ADAP2: variants seen among roughly 807,000 people sequenced by gnomAD.
The protein encoded by ADAP2 is arf-GAP with dual PH domain-containing protein 2.
In ADAP2, 42 loss-of-function variants were observed where a neutral mutation model predicts 54.9. The observed-to-expected ratio is 0.77, with a 90% CI of 0.60 to 0.99. ADAP2 has a LOEUF of 0.99. Ranked by LOEUF, ADAP2 falls within the 50% of genes least tolerant of loss-of-function variation. The probability of loss-of-function intolerance (pLI) is 0.00; values close to 1 mark genes in which losing one functional copy is unlikely to be tolerated. For missense variants in ADAP2, 429 were observed against 480.4 expected, an observed-to-expected ratio of 0.89 and a Z score of 1.00; for synonymous variants, 177 against 180.1, an observed-to-expected ratio of 0.98 and a Z score of 0.14.
chr17:30,945,336 C>A (rs1912586835), intron 6 of ADAP2, among the ~76,000 whole-genome samples: 1 of 152,150 alleles, frequency 6.6e-6, no homozygotes, highest in Non-Finnish European at 1.5e-5. Flanking sequence ...CCCAGGGATG[C>A]AAAGCCAGGT....
rs544534572 is a variant in ADAP2, at chr17:30,932,580, C to CT, written c.397+626dup. Among the ~76,000 whole-genome samples, 626 of 137,112 alleles carry CT rather than the reference C, an allele frequency of 4.6e-3. 6 individuals are homozygous for CT. Among genetic ancestry groups the CT allele is most frequent in the South Asian group, 0.027 (115 of 4,294 alleles). The allele number at this position is 137,112 out of a possible 152,430, so 90.0% of individuals were successfully genotyped here. On this transcript the variant is annotated intron_variant, in intron 4 of 10. Coordinates refer to ENST00000330889, the MANE Select transcript of ADAP2 (RefSeq NM_018404.3). ...GACTCTTTTTCTTTTTCTTCTTCTT[C>CT]TTTTTTTTTTTTTTGAGACAGAGTC...
Position 30,958,221 on chromosome 17 carries a change from A to G in ADAP2, c.*352A>G, listed in dbSNP as rs1905207907. ...TCATGCAAGTGGCATCTTGTAAAAA[A>G]AAAAAAAAAGTTTAATCTGAATCTA... On this transcript the variant is annotated 3_prime_UTR_variant, in exon 11 of 11. Transcript: ENST00000330889. The G allele has an allele frequency of 3.8e-6, 1 of 262,756 alleles. No homozygotes were observed. The highest frequency in any genetic ancestry group is 2.2e-5 in the African/African-American group (1 of 45,518). 16.3% of individuals were successfully genotyped at this position (262,756 alleles called of 1,614,324 possible).
At chr17:30,934,818 G>C (rs1345316130) in intron 5 of ADAP2, among the ~76,000 whole-genome samples, 1 of 152,174 alleles carries the variant, frequency 6.6e-6, no homozygotes, top group African/African-American at 2.4e-5. Flanking sequence ...GGGATTGCTT[G>C]AGTTCAGAAG....
rs987729958 is a variant in ADAP2, at chr17:30,958,873, G to A, written c.*1004G>A. On this transcript the variant is annotated 3_prime_UTR_variant, in exon 11 of 11. Transcript: ENST00000330889. ...CACTTTACTTAGCCTGGGTGACAGAGTGAGACCCTATCTCAAAAAAAAAAA... is the reference window on the plus strand; with the variant it reads ...CACTTTACTTAGCCTGGGTGACAGAATGAGACCCTATCTCAAAAAAAAAAA... 11 of 147,454 alleles carry A rather than the reference G, an allele frequency of 7.5e-5. No individual in the cohort carries two copies. The highest frequency in any genetic ancestry group is 2.4e-4 in the African/African-American group (9 of 36,942). 9.1% of individuals were successfully genotyped at this position (147,454 alleles called of 1,614,324 possible). A position where few individuals can be genotyped will look rare whatever the true frequency, so the allele number is the denominator to read the frequency against.
chr17:30,933,556 G>A (rs1911653958), intron 4 of ADAP2, among the ~76,000 whole-genome samples: 2 of 152,084 alleles, frequency 1.3e-5, no homozygotes, highest in South Asian at 4.1e-4. Context: ...CTGGAGTGCA[G>A]TGGCACAATC....
intron 5 of ADAP2, among the ~76,000 whole-genome samples, chr17:30,939,443 A>G (rs570210151): frequency 3.3e-5 from 5 of 151,612 alleles, no homozygotes; most frequent in Admixed American, 1.3e-4. Flanking sequence ...GAAAAAAAAA[A>G]AAAAAAGCCC....
intron 4 of ADAP2, among the ~76,000 whole-genome samples, chr17:30,933,789 C>T (rs1911674226): frequency 1.3e-5 from 2 of 152,184 alleles, no homozygotes; most frequent in South Asian, 2.1e-4. Flanking sequence ...TGAGCCACTG[C>T]GCCCTGCCTT....
chr17:30,949,267 C>T lies in ADAP2; in HGVS notation c.658-20C>T. On this transcript the variant is annotated intron_variant, in intron 6 of 10. Coordinates refer to ENST00000330889, the MANE Select transcript of ADAP2 (RefSeq NM_018404.3). ...CCCATCTCACTGCTGTGTGTGTGTCCTGTGCACTTCTCTCCGCAGGAGATA... is the reference window on the plus strand; with the variant it reads ...CCCATCTCACTGCTGTGTGTGTGTCTTGTGCACTTCTCTCCGCAGGAGATA... 1 of 1,609,170 alleles carries T rather than the reference C, an allele frequency of 6.2e-7. No individual in the cohort carries two copies. Among genetic ancestry groups the T allele is most frequent in the Non-Finnish European group, 8.5e-7 (1 of 1,175,534 alleles).
At chr17:30,949,649 T>A (rs1904461245) in intron 7 of ADAP2, among the ~76,000 whole-genome samples, 1 of 148,498 alleles carries the variant, frequency 6.7e-6, no homozygotes, top group African/African-American at 2.5e-5. Flanking sequence ...CTTGGGAGGC[T>A]GAGGCAGGAG....
intron 7 of ADAP2, among the ~76,000 whole-genome samples, chr17:30,951,927 T>A (rs1486864254): frequency 6.6e-6 from 1 of 152,184 alleles, no homozygotes; most frequent in East Asian, 1.9e-4. Flanking sequence ...AGTGCTGGGA[T>A]TACAGGCGTG....
intron 7 of ADAP2, among the ~76,000 whole-genome samples, chr17:30,950,420 C>T (rs1047543344): frequency 2.0e-5 from 3 of 152,176 alleles, no homozygotes; most frequent in Non-Finnish European, 2.9e-5. Flanking sequence ...TGTGTGACCC[C>T]TGCAGGTCCT....
At chr17:30,954,318 C>G (rs1404841844) in intron 8 of ADAP2, 160 bp from the exon 9 acceptor site, 1 of 660,302 alleles carries the variant, frequency 1.5e-6, no homozygotes, top group Admixed American at 2.2e-5. Context: ...GGGCTCCTAT[C>G]CAGGCCCCAG....
intron 7 of ADAP2, among the ~76,000 whole-genome samples, chr17:30,949,619 G>A (rs1237957457): frequency 1.3e-5 from 2 of 152,000 alleles, no homozygotes; most frequent in African/African-American, 4.8e-5. Context: ...TGTGGTGGCA[G>A]GCGCCTGTAG....
intron 6 of ADAP2, among the ~76,000 whole-genome samples, chr17:30,947,210 A>G (rs2142569173): frequency 6.6e-6 from 1 of 152,336 alleles, no homozygotes; most frequent in East Asian, 1.9e-4. Flanking sequence ...TGGAGGATTG[A>G]AACAAACAAA....
At chr17:30,957,774 C>T in intron 10 of ADAP2, 61 bp from the exon 11 acceptor site, 1 of 1,541,476 alleles carries the variant, frequency 6.5e-7, no homozygotes, top group Non-Finnish European at 9.0e-7. Flanking sequence ...TGCTGTCCCT[C>T]TCCTCCACAG....
intron 2 of ADAP2, among the ~76,000 whole-genome samples, chr17:30,924,510 G>A (rs1910882219): frequency 6.6e-6 from 1 of 152,168 alleles, no homozygotes; most frequent in Non-Finnish European, 1.5e-5. Flanking sequence ...TCTGGGGGTG[G>A]AGGATACCCT....
Position 30,949,287 on chromosome 17 carries a change from G to A in ADAP2, c.658G>A (p.Glu220Lys). Residue 220 changes from glutamate to lysine, a missense_variant and splice_region_variant, in exon 7 of 11, where the codon GAG (glutamate) becomes AAG (lysine). By Grantham distance (56) the Glu-to-Lys change is moderately conservative. Transcript: ENST00000330889. ...NLFVYHESGKEIVDWFNALRA... is the reference protein window; with the variant it reads ...NLFVYHESGKKIVDWFNALRA... ...GTGTCCTGTGCACTTCTCTCCGCAG[G>A]AGATAGTGGACTGGTTCAATGCCCT... The A allele has an allele frequency of 6.2e-7, 1 of 1,614,046 alleles. No individual in the cohort carries two copies. The highest frequency in any genetic ancestry group is 1.1e-5 in the South Asian group (1 of 91,080).
intron 5 of ADAP2, among the ~76,000 whole-genome samples, chr17:30,936,195 G>T (rs150629591): frequency 0.011 from 1,732 of 151,834 alleles, 24 homozygotes; most frequent in Non-Finnish European, 0.018. Flanking sequence ...TCCTCTGTTG[G>T]CCAGGCTGGA....
intron 5 of ADAP2, among the ~76,000 whole-genome samples, 156 bp from the exon 6 acceptor site, chr17:30,944,751 C>T (rs1230701503): frequency 6.6e-6 from 1 of 152,116 alleles, no homozygotes; most frequent in Non-Finnish European, 1.5e-5. Context: ...TAAGCCACTG[C>T]GTCCGGCCAG....
Sources: allele counts gnomAD v4.1 joint callset (sites outside exome capture counted in the v4.1 genomes callset), GRCh38; gene constraint gnomAD v4.1.1; transcripts MANE v1.5; gene names NCBI Gene and HGNC (gene_info 2026-07-23, HGNC 2026-07-21).